GLIS3: variants seen among roughly 807,000 people sequenced by gnomAD.
GLIS3 encodes GLIS family zinc finger 3, also known as zinc finger protein GLIS3.
In GLIS3, 53 loss-of-function variants were observed where a neutral mutation model predicts 78.6. The observed-to-expected ratio is 0.67, with a 90% CI of 0.54 to 0.85. GLIS3 has a LOEUF of 0.85. Among genes scored for constraint, GLIS3 ranks in the 40% least tolerant of loss-of-function variants. GLIS3 has a pLI of 0.00. For synonymous variants in GLIS3, 684 were observed against 509.9 expected, an observed-to-expected ratio of 1.34 and a Z score of -4.60; for missense variants, 1,703 against 1,231.1, an observed-to-expected ratio of 1.38 and a Z score of -5.74.
intron 8 of GLIS3, among the ~76,000 whole-genome samples, chr9:3,858,973 AAGTT>A (rs564152105): frequency 6.6e-6 from 1 of 152,242 alleles, no homozygotes; most frequent in South Asian, 2.1e-4. Context: ...AATATTTATA[AAGTT>A]AGTTACTTGT....
chr9:4,137,894 CG>C (rs1199212949), intron 2 of GLIS3, among the ~76,000 whole-genome samples: 1 of 152,200 alleles, frequency 6.6e-6, no homozygotes, highest in Non-Finnish European at 1.5e-5. Flanking sequence ...GCTTCTCCCT[CG>C]ACAAATTTTC....
the GLIS3 span, among the ~76,000 whole-genome samples, chr9:4,374,981 AGAT>A: frequency 6.9e-6 from 1 of 144,446 alleles, no homozygotes; most frequent in African/African-American, 2.5e-5. Flanking sequence ...GTTTGCCGCT[AGAT>A]GATTATTTCA....
chr9:4,352,170 T>G (rs554842597), upstream of GLIS3, among the ~76,000 whole-genome samples: 1 of 152,262 alleles, frequency 6.6e-6, no homozygotes, highest in South Asian at 2.1e-4. Context: ...CTCCTTTACA[T>G]AAAAAAATAC....
intron 4 of GLIS3, among the ~76,000 whole-genome samples, chr9:4,040,134 C>G (rs1824676952): frequency 6.6e-6 from 1 of 152,024 alleles, no homozygotes; most frequent in Non-Finnish European, 1.5e-5. Flanking sequence ...AAATATTTAC[C>G]CATTAATACC....
At chr9:4,268,021 G>A (rs1461748024) in intron 2 of GLIS3, among the ~76,000 whole-genome samples, 1 of 151,740 alleles carries the variant, frequency 6.6e-6, no homozygotes, top group African/African-American at 2.4e-5. Flanking sequence ...ACATAGATGT[G>A]TATATATGTG....
intron 2 of GLIS3, among the ~76,000 whole-genome samples, chr9:4,338,274 A>C (rs990835467): frequency 6.6e-6 from 1 of 152,090 alleles, no homozygotes; most frequent in African/African-American, 2.4e-5. Flanking sequence ...CACAGCTTTC[A>C]GGTCTTTCTG....
chr9:4,414,767 T>C, the GLIS3 span, among the ~76,000 whole-genome samples: 1 of 152,294 alleles, frequency 6.6e-6, no homozygotes, highest in East Asian at 1.9e-4. Context: ...CCATCCTGCA[T>C]ATCTGATCAT....
intron 4 of GLIS3, among the ~76,000 whole-genome samples, chr9:4,015,527 C>T (rs1263775089): frequency 6.6e-6 from 1 of 152,182 alleles, no homozygotes; most frequent in Non-Finnish European, 1.5e-5. Context: ...AACACCCTCT[C>T]CCATCCTCCC....
In GLIS3 at chr9:4,076,029, C is replaced by T. The variant is rs147109129; in HGVS notation, c.1710+41739G>A. Among the ~76,000 whole-genome samples, 390 of 152,248 alleles carry T rather than the reference C, an allele frequency of 2.6e-3. 2 individuals carry two copies. Among genetic ancestry groups the T allele is most frequent in the African/African-American group, 9.1e-3 (377 of 41,534 alleles). On this transcript the variant is annotated intron_variant, in intron 4 of 10. Coordinates refer to ENST00000381971, the MANE Select transcript of GLIS3 (RefSeq NM_001042413.2). ...TACTTTGTGAGGTGATGGAAATGTT[C>T]CATATATTGACTGTGGTGGTGGTTT...
chr9:4,265,908 G>GTTTT (rs1744255432), intron 2 of GLIS3, among the ~76,000 whole-genome samples: 1 of 25,640 alleles, frequency 3.9e-5, no homozygotes, highest in African/African-American at 1.2e-4. Flanking sequence ...TTTTTTTTTT[G>GTTTT]TTTGTCTGTT....
At chr9:4,466,534 T>TA in the GLIS3 span, among the ~76,000 whole-genome samples, 1,193 of 152,272 alleles carry the variant, frequency 7.8e-3, 11 homozygotes, top group African/African-American at 0.027. Context: ...GATATAAAAT[T>TA]TTTTTAAATG....
chr9:4,270,199 T>C (rs755689186), intron 2 of GLIS3, among the ~76,000 whole-genome samples: 25 of 152,230 alleles, frequency 1.6e-4, no homozygotes, highest in Non-Finnish European at 2.6e-4. Flanking sequence ...CCTATCACCA[T>C]GTCTGGTGTA....
At chr9:4,470,275 T>G in the GLIS3 span, among the ~76,000 whole-genome samples, 1 of 152,054 alleles carries the variant, frequency 6.6e-6, no homozygotes, top group Non-Finnish European at 1.5e-5. Context: ...TCATCCTGAT[T>G]GCAAACCCTG....
chr9:3,880,669 A>G (rs1351021180), intron 7 of GLIS3, among the ~76,000 whole-genome samples: 1 of 152,190 alleles, frequency 6.6e-6, no homozygotes, highest in Non-Finnish European at 1.5e-5. Context: ...TTAAAAGTTC[A>G]GGGAGTTGTA....
chr9:3,879,644 AC>A (rs1369172420), intron 7 of GLIS3, 49 bp from the exon 8 acceptor site: 4 of 1,602,488 alleles, frequency 2.5e-6, no homozygotes. Context: ...AAGGAAGCCC[AC>A]GTTTTTTAAA....
At chr9:4,027,964 G>A (rs553920978) in intron 4 of GLIS3, among the ~76,000 whole-genome samples, 6 of 152,160 alleles carry the variant, frequency 3.9e-5, no homozygotes, top group East Asian at 1.9e-4. Flanking sequence ...TGAGAGTCAC[G>A]TCAAGTCCAT....
chr9:3,930,201 GC>G (rs1453005850), intron 6 of GLIS3, among the ~76,000 whole-genome samples: 1 of 152,128 alleles, frequency 6.6e-6, no homozygotes, highest in Non-Finnish European at 1.5e-5. Flanking sequence ...AGTAAACACT[GC>G]AAACTTATCA....
At chr9:4,271,860 G>A (rs373217105) in intron 2 of GLIS3, among the ~76,000 whole-genome samples, 5 of 152,172 alleles carry the variant, frequency 3.3e-5, no homozygotes, top group East Asian at 3.8e-4. Flanking sequence ...TGTGGGGTCG[G>A]AGCAAACCTG....
rs183061561 is a variant in GLIS3 at position 4,225,321 on chromosome 9, C to A, written c.388+60717G>T. On this transcript the variant is annotated intron_variant, in intron 2 of 10. Coordinates refer to ENST00000381971, the MANE Select transcript of GLIS3 (RefSeq NM_001042413.2). ...TAGTTGATTTTCTAAGTAGTATAGA[C>A]CTGCTAGTCAAAATTATACAATTAC... Among the ~76,000 whole-genome samples the A allele has an allele frequency of 2.4e-3, 369 of 152,220 alleles. 1 individual carries two copies. Among genetic ancestry groups the A allele is most frequent in the Non-Finnish European group, 3.5e-3 (236 of 68,020 alleles).
Sources: allele counts gnomAD v4.1 joint callset (sites outside exome capture counted in the v4.1 genomes callset), GRCh38; gene constraint gnomAD v4.1.1; transcripts MANE v1.5; gene names NCBI Gene and HGNC (gene_info 2026-07-23, HGNC 2026-07-21).